The following ZNF557 variants were observed in gnomAD, a reference collection of about 807,000 sequenced individuals.
ZNF557 encodes the protein CTB-25J19.9.
A neutral mutation model predicts 21.2 loss-of-function variants in ZNF557; 19 were observed. The observed-to-expected ratio is 0.90, with a 90% CI of 0.63 to 1.32. The LOEUF (loss-of-function observed/expected upper bound fraction) is 1.32. ZNF557 is among the 40% of genes most tolerant of loss of function. The probability of loss-of-function intolerance (pLI) is 0.00; values close to 1 mark genes in which losing one functional copy is unlikely to be tolerated. For synonymous variants in ZNF557, 207 were observed against 194.8 expected (o/e 1.06, Z -0.52); for missense variants, 487 against 519.8 (o/e 0.94, Z 0.61).
intron 4 of ZNF557, among the ~76,000 whole-genome samples, chr19:7,075,995 G>A (rs1977581359): frequency 6.6e-6 from 1 of 152,072 alleles, no homozygotes; most frequent in Non-Finnish European, 1.5e-5. Flanking sequence ...ACGTGATGAT[G>A]TTCTAAACCC....
In ZNF557 at chr19:7,085,038, G is replaced by A. The variant is rs939787061; in HGVS notation, c.*1294G>A. On this transcript the variant is annotated 3_prime_UTR_variant, in exon 8 of 8. Transcript: ENST00000252840. ...ACCAAGCACAAGACAGTATAGTTTGGTATGCTATAAAAGCCTTGAATATTC... is the reference window on the plus strand; with the variant it reads ...ACCAAGCACAAGACAGTATAGTTTGATATGCTATAAAAGCCTTGAATATTC... The A allele has an allele frequency of 1.3e-5, 2 of 152,140 alleles. No individual in the cohort carries two copies. Among genetic ancestry groups the A allele is most frequent in the African/African-American group, 4.8e-5 (2 of 41,426 alleles). The allele number at this position is 152,140 out of a possible 1,614,324, so 9.4% of individuals were successfully genotyped here. A position where few individuals can be genotyped will look rare whatever the true frequency, so the allele number is the denominator to read the frequency against.
At chr19:7,072,707 C>T (rs569268478) in intron 2 of ZNF557, among the ~76,000 whole-genome samples, 84 of 152,268 alleles carry the variant, frequency 5.5e-4, no homozygotes, top group African/African-American at 2.0e-3. Context: ...AGTGTTTTTC[C>T]TTCCAAGGCT....
At chr19:7,079,293 G>C (rs1243475143) in intron 5 of ZNF557, among the ~76,000 whole-genome samples, 2 of 145,654 alleles carry the variant, frequency 1.4e-5, no homozygotes, top group Non-Finnish European at 3.0e-5. Context: ...CCAGGCTGGA[G>C]TGCAGTGGTG....
chr19:7,078,473 C>T lies in ZNF557; in HGVS notation c.247+1966C>T, dbSNP rs1281719990. Among the ~76,000 whole-genome samples the T allele has an allele frequency of 3.3e-5, 5 of 151,270 alleles. No individual in the cohort carries two copies. The South Asian group carries it at 1.0e-3, about 32-fold the overall frequency. On this transcript the variant is annotated intron_variant, in intron 5 of 7. Transcript: ENST00000252840. ...TTTCCCGGAGTCTCACTCTGTCGCC[C>T]AGGCTGGAGTGCACTGGCACGATCT...
chr19:7,073,041 GTTCTC>G (rs1483083906), intron 2 of ZNF557, among the ~76,000 whole-genome samples: 2 of 152,008 alleles, frequency 1.3e-5, no homozygotes, highest in African/African-American at 2.4e-5. Context: ...CCTGTGCAGA[GTTCTC>G]TTCTCTACCG....
intron 4 of ZNF557, 44 bp downstream of exon 4, chr19:7,075,787 A>C (rs777160566): frequency 8.1e-6 from 13 of 1,602,340 alleles, no homozygotes; most frequent in Admixed American, 6.7e-5. Flanking sequence ...TCCTTCAGCC[A>C]GAAGGTTGGA....
chr19:7,073,161 T>TTC (rs1288884280), intron 2 of ZNF557, among the ~76,000 whole-genome samples: 1 of 148,958 alleles, frequency 6.7e-6, no homozygotes, highest in African/African-American at 2.5e-5. Flanking sequence ...TTTTTTGTTT[T>TTC]TTTTTTTTTG....
rs1051533196 is a variant in ZNF557 at position 7,084,580 on chromosome 19, T to A, written c.*836T>A. 1 of 152,148 alleles carries A rather than the reference T, an allele frequency of 6.6e-6. No individual in the cohort carries two copies. The highest frequency in any genetic ancestry group is 1.5e-5 in the Non-Finnish European group (1 of 68,078). 9.4% of individuals were successfully genotyped at this position (152,148 alleles called of 1,614,324 possible). On this transcript the variant is annotated 3_prime_UTR_variant, in exon 8 of 8. Transcript: ENST00000252840. The stretch of plus-strand genomic sequence containing the variant: ...GTTGCCCAGACTAGTCTCAAACTCC[T>A]AGGTTCAAGCAGTCCTTTCATCTTG...
At chr19:7,081,298 T>C (rs1977699513) in intron 5 of ZNF557, 62 bp from the exon 6 acceptor site, 1 of 1,157,834 alleles carries the variant, frequency 8.6e-7, no homozygotes, top group East Asian at 2.4e-5. Flanking sequence ...GATTTCAGTT[T>C]CATGGGAGAG....
Position 7,076,431 on chromosome 19 carries a change from G to T in ZNF557, c.171G>T (p.Trp57Cys). The T allele has an allele frequency of 6.2e-7, 1 of 1,614,192 alleles. No individual in the cohort carries two copies. Among genetic ancestry groups the T allele is most frequent in the Non-Finnish European group, 8.5e-7 (1 of 1,180,048 alleles). The change falls in exon 5 of 8, where the codon TGG becomes TGT. Residue 57 changes from tryptophan (W) to cysteine (C), a missense_variant. Transcript: ENST00000252840. ...CCGTGGAGTTCACCCAGGAGGAGTG[G>T]GCATTGCTGGACCCTGCCCAAAGGA... Reference protein sequence around the residue: ...DVAVEFTQEEWALLDPAQRTL... With the variant: ...DVAVEFTQEECALLDPAQRTL...
Position 7,079,334 on chromosome 19 carries a change from C to T in ZNF557, c.248-2026C>T, listed in dbSNP as rs577831881. 9.3e-3 allele frequency among the ~76,000 whole-genome samples: 1,393 copies of T among 150,238 alleles called. 25 individuals carry two copies. The highest frequency in any genetic ancestry group is 0.032 in the African/African-American group (1,306 of 40,766). ...TTGGCTAACTGCAAGCTCTGCCTCC[C>T]AGGTTCACGCCATTCTCCTGCCTCA... On this transcript the variant is annotated intron_variant, in intron 5 of 7. Transcript: ENST00000252840.
In ZNF557 at chr19:7,074,884, G is replaced by A. The variant is rs544987772; in HGVS notation, c.-79-112G>A. 181 of 709,346 alleles carry A rather than the reference G, an allele frequency of 2.6e-4. 1 individual carries two copies. In the Admixed American group the frequency reaches 3.4e-3, roughly 13 times the overall value. The allele number at this position is 709,346 out of a possible 1,614,324, so 43.9% of individuals were successfully genotyped here. A position where few individuals can be genotyped will look rare whatever the true frequency, so the allele number is the denominator to read the frequency against. ...AGGGGGGGTGACCGAGGCAGGGCAC[G>A]GGCAGGAGACGGGGTGACCGAGGCA... On this transcript the variant is annotated intron_variant, in intron 2 of 7. Coordinates refer to ENST00000252840, the MANE Select transcript of ZNF557 (RefSeq NM_024341.3).
rs1261392283 is a variant in ZNF557, at chr19:7,075,636, C to T, written c.32-19C>T. ...ACAGGGCAGGTGTGGATTCCTGGTA[C>T]TCATTTCTCCTCCTCCAGCTCTGTC... On this transcript the variant is annotated intron_variant, in intron 3 of 7. Coordinates refer to ENST00000252840, the MANE Select transcript of ZNF557 (RefSeq NM_024341.3). 6.2e-7 allele frequency: 1 copy of T among 1,611,616 alleles called. No individual in the cohort carries two copies. The highest frequency in any genetic ancestry group is 8.5e-7 in the Non-Finnish European group (1 of 1,178,382).
chr19:7,075,563 C>G (rs1318854919), intron 3 of ZNF557, 92 bp from the exon 4 acceptor site: 2 of 1,281,622 alleles, frequency 1.6e-6, no homozygotes, highest in East Asian at 4.7e-5. Flanking sequence ...GCATGGGGAC[C>G]TGGTCGATCG....
rs1977867376 is a variant in ZNF557, at chr19:7,087,050, TAGGCTTTCCTGAAGCTTAGAC to T, written c.*3314_*3334del. On this transcript the variant is annotated 3_prime_UTR_variant, in exon 8 of 8. Coordinates refer to ENST00000252840, the MANE Select transcript of ZNF557 (RefSeq NM_024341.3). Reference sequence around the variant, plus strand: ...TCTCAAAAAAAGATGTACAGTGTACTAGGCTTTCCTGAAGCTTAGACAGGCTTTATCCCACTCTGCTGGCTA... The same window carrying T: ...TCTCAAAAAAAGATGTACAGTGTACTAGGCTTTATCCCACTCTGCTGGCTA... 7.6e-6 allele frequency: 1 copy of T among 131,526 alleles called. No homozygotes were observed. Among genetic ancestry groups the T allele is most frequent in the South Asian group, 2.4e-4 (1 of 4,222 alleles). 8.1% of individuals were successfully genotyped at this position (131,526 alleles called of 1,614,324 possible).
In ZNF557 at chr19:7,082,764, A is replaced by G. The variant is rs990614399; in HGVS notation, c.427-114A>G. 15 of 1,114,964 alleles carry G rather than the reference A, an allele frequency of 1.3e-5. No homozygotes were observed. The African/African-American group carries it at 1.9e-4, about 14-fold the overall frequency. The allele number at this position is 1,114,964 out of a possible 1,614,324, so 69.1% of individuals were successfully genotyped here. ...TACCAGCACTCATGATGGCAAAAAC[A>G]TTAATTCCAATACTATGATACACAA... On this transcript the variant is annotated intron_variant, in intron 7 of 7. Transcript: ENST00000252840.
At chr19:7,074,337 C>CACACAG (rs1283612269) in intron 2 of ZNF557, among the ~76,000 whole-genome samples, 3 of 151,252 alleles carry the variant, frequency 2.0e-5, no homozygotes, top group African/African-American at 7.3e-5. Flanking sequence ...TATATACACA[C>CACACAG]ACACACACAC....
intron 3 of ZNF557, 27 bp downstream of exon 3, chr19:7,075,132 C>CG: frequency 6.2e-7 from 1 of 1,613,950 alleles, no homozygotes; most frequent in Non-Finnish European, 8.5e-7. Context: ...TGGCAGTTCT[C>CG]AGAGTCCAGG....
In ZNF557 at chr19:7,069,715, G is replaced by C. The variant is rs1977420682; in HGVS notation, c.-230G>C. The C allele has an allele frequency of 6.6e-6, 1 of 152,422 alleles. No homozygotes were observed. Among genetic ancestry groups the C allele is most frequent in the Non-Finnish European group, 1.5e-5 (1 of 68,064 alleles). The allele number at this position is 152,422 out of a possible 1,614,324, so 9.4% of individuals were successfully genotyped here. On this transcript the variant is annotated 5_prime_UTR_variant, in exon 1 of 8. Coordinates refer to ENST00000252840, the MANE Select transcript of ZNF557 (RefSeq NM_024341.3). ...GAAGCGCGCTTGTGTCTTGTGAGAA[G>C]AGCCGCGCTTGCAGCGTCTGGGAGA...
Sources: gnomAD v4.1 joint callset for allele counts (sites outside exome capture counted in the v4.1 genomes callset) on GRCh38, gnomAD v4.1.1 for gene constraint, MANE v1.5 for transcripts, NCBI Gene and HGNC (gene_info 2026-07-23, HGNC 2026-07-21) for gene names.